Variants in GPCPD1 observed in about 807,000 individuals in gnomAD.
GPCPD1 encodes glycerophosphocholine phosphodiesterase 1.
Under a neutral mutation model 89.2 loss-of-function variants are expected in GPCPD1, and 29 were observed. That is an observed-to-expected ratio of 0.33 (90% CI 0.24 to 0.44). GPCPD1 has a LOEUF of 0.44. Ranked by LOEUF, GPCPD1 falls within the 20% of genes least tolerant of loss-of-function variation. The pLI is 1.00. For missense variants in GPCPD1, 594 were observed against 808.9 expected, an observed-to-expected ratio of 0.73 and a Z score of 3.22; for synonymous variants, 258 against 266.3, an observed-to-expected ratio of 0.97 and a Z score of 0.30.
At chr20:5,597,896 A>G (rs780034286) in intron 3 of GPCPD1, among the ~76,000 whole-genome samples, 1 of 152,208 alleles carries the variant, frequency 6.6e-6, no homozygotes. Context: ...TAGCTAAGCT[A>G]TCTAAGTATG....
intron 1 of GPCPD1, among the ~76,000 whole-genome samples, chr20:5,610,442 T>C (rs561766854): frequency 2.0e-5 from 3 of 152,180 alleles, no homozygotes; most frequent in Admixed American, 6.5e-5. Context: ...CGGGGGCCGC[T>C]GTGGGGCAGG....
chr20:5,579,236 T>TCCTGTGTGGAAAATTTTTC (rs1341654446), intron 7 of GPCPD1, among the ~76,000 whole-genome samples: 2 of 152,114 alleles, frequency 1.3e-5, no homozygotes, highest in Non-Finnish European at 2.9e-5. Context: ...AAAAATTTTT[T>TCCTGTGTGGAAAATTTTTC]CCTGTGTGGA....
intron 2 of GPCPD1, among the ~76,000 whole-genome samples, chr20:5,601,846 C>G (rs2122798367): frequency 6.6e-6 from 1 of 152,312 alleles, no homozygotes; most frequent in Middle Eastern, 3.4e-3. Context: ...TACCAATTCC[C>G]CCTGCAATGT....
rs753973501 is a variant in GPCPD1, at chr20:5,567,573, AAAAAAGAAAGAAAG to A, written c.1150-27_1150-14del. On this transcript the variant is annotated splice_polypyrimidine_tract_variant and intron_variant, in intron 12 of 19. Transcript: ENST00000379019. ...CAGCATCAAATTTCTAAAAAAAAAAAAAAAAGAAAGAAAGAAAAAGAAAGAATAAAGAAAATTAA... is the reference window on the plus strand; with the variant it reads ...CAGCATCAAATTTCTAAAAAAAAAAAAAAAAGAAAGAATAAAGAAAATTAA... The A allele has an allele frequency of 1.3e-6, 2 of 1,549,834 alleles. No homozygotes were observed. Among genetic ancestry groups the A allele is most frequent in the Non-Finnish European group, 1.7e-6 (2 of 1,154,984 alleles).
chr20:5,581,167 C>T (rs568345433), intron 6 of GPCPD1, among the ~76,000 whole-genome samples: 12 of 152,276 alleles, frequency 7.9e-5, no homozygotes, highest in East Asian at 3.9e-4. Context: ...CATGAGCCAC[C>T]TCACCCTGCC....
chr20:5,553,844 G>A (rs911250333), intron 19 of GPCPD1, among the ~76,000 whole-genome samples: 1 of 152,348 alleles, frequency 6.6e-6, no homozygotes, highest in East Asian at 1.9e-4. Flanking sequence ...TAAGGAAAAA[G>A]AAGCTGTCTC....
At chr20:5,593,210 G>T in intron 4 of GPCPD1, 117 bp downstream of exon 4, 4 of 616,510 alleles carry the variant, frequency 6.5e-6, no homozygotes, top group Non-Finnish European at 1.2e-5. Context: ...TTAATCAAGA[G>T]TTCTATTCCT....
chr20:5,607,314 C>T (rs761499914), intron 1 of GPCPD1, among the ~76,000 whole-genome samples: 3 of 150,874 alleles, frequency 2.0e-5, no homozygotes, highest in Admixed American at 6.6e-5. Flanking sequence ...GAAAAAAGGC[C>T]GGGCATGGTG....
intron 19 of GPCPD1, among the ~76,000 whole-genome samples, chr20:5,550,415 G>A (rs1206883420): frequency 1.3e-5 from 2 of 150,786 alleles, no homozygotes; most frequent in Non-Finnish European, 3.0e-5. Context: ...AAAATCAAAA[G>A]AATTATTTTT....
At chr20:5,549,017 AT>A in intron 19 of GPCPD1, 1 of 698,214 alleles carries the variant, frequency 1.4e-6, no homozygotes, top group Non-Finnish European at 2.4e-6. Flanking sequence ...CCTGCCGCTG[AT>A]CTCTAAGTTT....
Position 5,598,494 on chromosome 20 carries a change from T to TA in GPCPD1, c.146+230dup, listed in dbSNP as rs35672719. 1.6e-3 allele frequency among the ~76,000 whole-genome samples: 220 copies of TA among 138,982 alleles called. 1 individual carries two copies. The highest frequency in any genetic ancestry group is 3.3e-3 in the African/African-American group (123 of 37,790). 91.2% of individuals were successfully genotyped at this position (138,982 alleles called of 152,430 possible). On this transcript the variant is annotated intron_variant, in intron 3 of 19. Transcript: ENST00000379019. ...GAGTTGTAAAAATAAAAAATACATC[T>TA]AAAAAAAAAAAAAGAAATGAAAGTG... is the stretch of plus-strand genomic sequence containing the variant.
chr20:5,592,296 GC>G (rs1979383799), intron 4 of GPCPD1, among the ~76,000 whole-genome samples: 1 of 152,132 alleles, frequency 6.6e-6, no homozygotes, highest in Admixed American at 6.5e-5. Context: ...ATAACCCCAT[GC>G]CAAATAAATG....
At chr20:5,556,882 G>T (rs1985801192) in intron 19 of GPCPD1, among the ~76,000 whole-genome samples, 1 of 152,224 alleles carries the variant, frequency 6.6e-6, no homozygotes, top group African/African-American at 2.4e-5. Context: ...GAGGATGGAG[G>T]AAAGGGGCTA....
chr20:5,574,425 G>A (rs1319812439), intron 10 of GPCPD1, among the ~76,000 whole-genome samples: 1 of 152,108 alleles, frequency 6.6e-6, no homozygotes, highest in Non-Finnish European at 1.5e-5. Context: ...ACAGAAAGGG[G>A]GAAAATGTAT....
chr20:5,584,959 A>G (rs956809632), intron 5 of GPCPD1: 19 of 152,252 alleles, frequency 1.2e-4, no homozygotes, highest in African/African-American at 4.6e-4. Flanking sequence ...TTCCCTTCCC[A>G]GTTTACTTTA....
At chr20:5,585,870 T>C (rs1978887789) in intron 5 of GPCPD1, 2 of 217,876 alleles carry the variant, frequency 9.2e-6, no homozygotes, top group African/African-American at 4.5e-5. Flanking sequence ...AGTAAACAAA[T>C]AGAGCTATGG....
At chr20:5,606,381 A>T (rs1980587383) in intron 1 of GPCPD1, among the ~76,000 whole-genome samples, 1 of 151,826 alleles carries the variant, frequency 6.6e-6, no homozygotes. Flanking sequence ...CTTAAATTTC[A>T]TTTGCATTTA....
chr20:5,604,484 C>A, intron 1 of GPCPD1, 44 bp from the exon 2 acceptor site: 1 of 829,012 alleles, frequency 1.2e-6, no homozygotes, highest in Non-Finnish European at 2.0e-6. Context: ...AAAATATATG[C>A]CTTAGCTAGC....
chr20:5,576,495 T>C lies in GPCPD1; in HGVS notation c.706-517A>G, dbSNP rs150209808. The stretch of plus-strand genomic sequence containing the variant: ...GCTCACAAAGTCAACTGAGAATCTC[T>C]GGGGTAGAACTGATAAGAGATACAA... On this transcript the variant is annotated intron_variant, in intron 8 of 19. Transcript: ENST00000379019. Among the ~76,000 whole-genome samples the C allele has an allele frequency of 7.6e-4, 115 of 151,970 alleles. 1 individual carries two copies. The East Asian group carries it at 0.019, about 25-fold the overall frequency.
Sources: gnomAD v4.1 joint callset for allele counts (sites outside exome capture counted in the v4.1 genomes callset) on GRCh38, gnomAD v4.1.1 for gene constraint, MANE v1.5 for transcripts, NCBI Gene and HGNC (gene_info 2026-07-23, HGNC 2026-07-21) for gene names.